The following DLG2 variants were observed in gnomAD, a reference collection of about 807,000 sequenced individuals.
DLG2 encodes discs large MAGUK scaffold protein 2, also known as disks large homolog 2.
A neutral mutation model predicts 132.5 loss-of-function variants in DLG2; 45 were observed. The ratio of observed to expected loss-of-function variants is 0.34; its 90% CI spans 0.27 to 0.44. DLG2 has a LOEUF of 0.44. Ranked by LOEUF, DLG2 falls within the 20% of genes least tolerant of loss-of-function variation. The pLI, the probability that DLG2 is intolerant of heterozygous loss-of-function variation, is 1.00. For missense variants in DLG2, 1,045 were observed against 1,196.9 expected (o/e 0.87, Z 1.87); for synonymous variants, 424 against 419.6 (o/e 1.01, Z -0.13).
At chr11:85,496,927 T>C (rs781205955) in intron 3 of DLG2, among the ~76,000 whole-genome samples, 1 of 151,976 alleles carries the variant, frequency 6.6e-6, no homozygotes, top group Non-Finnish European at 1.5e-5. Flanking sequence ...CCAAAAGTCA[T>C]TGACTTTAAA....
At chr11:84,005,070 C>A (rs1056139569) in intron 11 of DLG2, among the ~76,000 whole-genome samples, 12 of 151,020 alleles carry the variant, frequency 7.9e-5, no homozygotes, top group African/African-American at 2.9e-4. Flanking sequence ...CAAAAACAAA[C>A]AAACAAAAAA....
At chr11:83,464,356 TG>T (rs960850227) in intron 26 of DLG2, among the ~76,000 whole-genome samples, 2 of 152,262 alleles carry the variant, frequency 1.3e-5, no homozygotes, top group Admixed American at 6.5e-5. Context: ...TGTGTAAATG[TG>T]ACAGCTGTCA....
chr11:83,726,809 G>C (rs1336582707), intron 18 of DLG2, among the ~76,000 whole-genome samples: 2 of 152,108 alleles, frequency 1.3e-5, no homozygotes, highest in Non-Finnish European at 2.9e-5. Flanking sequence ...GGAGTATCAT[G>C]AAGACTTTCC....
intron 6 of DLG2, among the ~76,000 whole-genome samples, chr11:84,583,853 T>C (rs2099522474): frequency 6.6e-6 from 1 of 152,174 alleles, no homozygotes; most frequent in African/African-American, 2.4e-5. Flanking sequence ...AACATCATGA[T>C]TCCATTTGAT....
intron 3 of DLG2, among the ~76,000 whole-genome samples, chr11:85,315,658 A>T (rs1003873287): frequency 1.3e-5 from 2 of 152,052 alleles, no homozygotes. Context: ...TAGAGACAGG[A>T]CACCTGTTAA....
intron 7 of DLG2, among the ~76,000 whole-genome samples, chr11:84,532,117 A>ATTTTTT (rs67139617): frequency 7.6e-4 from 79 of 104,526 alleles, no homozygotes; most frequent in African/African-American, 1.4e-3. Flanking sequence ...TGTTCTGTTC[A>ATTTTTT]TTTTTTTTTT....
intron 5 of DLG2, among the ~76,000 whole-genome samples, chr11:85,138,543 T>A (rs1485537294): frequency 6.6e-6 from 1 of 152,172 alleles, no homozygotes. Flanking sequence ...TCTTATACCC[T>A]GATATGGTTT....
At chr11:85,541,738 A>G (rs908214312) in intron 3 of DLG2, among the ~76,000 whole-genome samples, 2 of 152,208 alleles carry the variant, frequency 1.3e-5, no homozygotes, top group Admixed American at 6.5e-5. Flanking sequence ...AGAAAAAAAC[A>G]CTTCAGCCAA....
chr11:83,506,830 CAT>C (rs1428180626), intron 21 of DLG2, among the ~76,000 whole-genome samples: 1 of 152,156 alleles, frequency 6.6e-6, no homozygotes, highest in Non-Finnish European at 1.5e-5. Flanking sequence ...TCACTTTAAC[CAT>C]AGACATCTGA....
At chr11:83,592,451 T>G (rs1198077425) in intron 19 of DLG2, among the ~76,000 whole-genome samples, 1 of 150,442 alleles carries the variant, frequency 6.6e-6, no homozygotes, top group African/African-American at 2.4e-5. Context: ...TGTAGAAAGC[T>G]GAAACTGGAT....
At chr11:84,963,734 C>T (rs1221968355) in intron 6 of DLG2, among the ~76,000 whole-genome samples, 1 of 152,164 alleles carries the variant, frequency 6.6e-6, no homozygotes, top group African/African-American at 2.4e-5. Flanking sequence ...CAATAAAAGG[C>T]ATTCATTGTC....
chr11:85,157,757 C>T (rs1566948009), intron 4 of DLG2, among the ~76,000 whole-genome samples: 1 of 152,006 alleles, frequency 6.6e-6, no homozygotes, highest in Non-Finnish European at 1.5e-5. Flanking sequence ...AGTGAGGGCA[C>T]TGATTGGAAA....
intron 8 of DLG2, among the ~76,000 whole-genome samples, chr11:84,166,319 T>A (rs1175769122): frequency 6.6e-6 from 1 of 151,768 alleles, no homozygotes; most frequent in African/African-American, 2.4e-5. Context: ...CTGGCCAACA[T>A]GGTGAAACCC....
At chr11:83,806,806 CTCA>C (rs2046021365) in intron 17 of DLG2, among the ~76,000 whole-genome samples, 1 of 152,106 alleles carries the variant, frequency 6.6e-6, no homozygotes, top group Non-Finnish European at 1.5e-5. Flanking sequence ...TATTAATCAG[CTCA>C]CCAAGGATTT....
chr11:85,143,253 AT>A (rs1347543822), intron 5 of DLG2, among the ~76,000 whole-genome samples: 1 of 151,436 alleles, frequency 6.6e-6, no homozygotes. Context: ...TTGGTTTCAG[AT>A]TTTTTTCATG....
chr11:83,742,466 A>G (rs910590513), intron 18 of DLG2, among the ~76,000 whole-genome samples: 3 of 152,112 alleles, frequency 2.0e-5, no homozygotes, highest in Non-Finnish European at 4.4e-5. Context: ...ACAGACTTCT[A>G]TCATTTGTGT....
chr11:83,536,846 A>G (rs1032339824), intron 20 of DLG2, among the ~76,000 whole-genome samples: 1 of 152,194 alleles, frequency 6.6e-6, no homozygotes, highest in Non-Finnish European at 1.5e-5. Context: ...AGTTTTTCCC[A>G]TAAAAAGTGA....
At chr11:83,466,182 C>T (rs35579378) in intron 26 of DLG2, among the ~76,000 whole-genome samples, 50,601 of 151,984 alleles carry the variant, frequency 0.33, 9,449 homozygotes, top group African/African-American at 0.51. Context: ...TAAGGAACAT[C>T]AGAATTCTAT....
At chr11:83,589,703 A>T (rs1404374848) in intron 19 of DLG2, among the ~76,000 whole-genome samples, 1 of 151,512 alleles carries the variant, frequency 6.6e-6, no homozygotes, top group Non-Finnish European at 1.5e-5. Context: ...GGCAAATTGG[A>T]TAAAGAGTCA....
Sources: gnomAD v4.1 joint callset for allele counts (sites outside exome capture counted in the v4.1 genomes callset) on GRCh38, gnomAD v4.1.1 for gene constraint, MANE v1.5 for transcripts, NCBI Gene and HGNC (gene_info 2026-07-23, HGNC 2026-07-21) for gene names.